PTER: variants seen among roughly 807,000 people sequenced by gnomAD.
PTER encodes the protein N-acetyltaurine hydrolase.
In PTER, 38 loss-of-function variants were observed where a neutral mutation model predicts 29.6. That is an observed-to-expected ratio of 1.28 (90% CI 0.99 to 1.68). The LOEUF (loss-of-function observed/expected upper bound fraction) is 1.68. Ranked by LOEUF, PTER falls within the 40% of genes most tolerant of loss-of-function variation. PTER has a pLI of 0.00. For missense variants in PTER, 482 were observed against 427.8 expected (o/e 1.13, Z -1.12); for synonymous variants, 172 against 154.5 (o/e 1.11, Z -0.84).
Position 16,484,650 on chromosome 10 carries a change from C to G in PTER, c.266C>G (p.Ala89Gly). 1 of 1,614,102 alleles carries G rather than the reference C, an allele frequency of 6.2e-7. No homozygotes were observed. The highest frequency in any genetic ancestry group is 8.5e-7 in the Non-Finnish European group (1 of 1,180,008). Reference protein sequence around the residue: ...AIKEELLYFKANGGGALVENT... With the variant: ...AIKEELLYFKGNGGGALVENT... ...AAGGAAGAACTGTTGTATTTTAAAGCTAATGGTGGAGGGGCTTTGGTGGAA... is the reference window on the plus strand; with the variant it reads ...AAGGAAGAACTGTTGTATTTTAAAGGTAATGGTGGAGGGGCTTTGGTGGAA... The change falls in exon 2 of 5, where the codon GCT (alanine) becomes GGT (glycine). Residue 89 changes from alanine (A) to glycine (G), a missense_variant. Transcript: ENST00000535784.
chr10:16,492,057 T>C (rs1835919694), intron 3 of PTER, among the ~76,000 whole-genome samples: 1 of 152,176 alleles, frequency 6.6e-6, no homozygotes, highest in African/African-American at 2.4e-5. Flanking sequence ...GCCATCACCT[T>C]AGGAGACCTC....
At chr10:16,443,768 A>T (rs1463513444) in intron 1 of PTER, among the ~76,000 whole-genome samples, 1 of 152,170 alleles carries the variant, frequency 6.6e-6, no homozygotes, top group African/African-American at 2.4e-5. Flanking sequence ...TTTTACCAAA[A>T]ATTTCCTCTC....
intron 1 of PTER, among the ~76,000 whole-genome samples, chr10:16,467,580 G>A (rs1588600426): frequency 6.6e-6 from 1 of 152,338 alleles, no homozygotes; most frequent in African/African-American, 2.4e-5. Context: ...GGGAGGTTGA[G>A]GTGGGTGGAT....
downstream of PTER, among the ~76,000 whole-genome samples, chr10:16,517,185 G>A (rs895928038): frequency 1.3e-5 from 2 of 152,224 alleles, no homozygotes; most frequent in Non-Finnish European, 1.5e-5. Flanking sequence ...GCAATCAACC[G>A]ATTTCTACCT....
intron 1 of PTER, among the ~76,000 whole-genome samples, chr10:16,481,074 G>C (rs1835463630): frequency 6.6e-6 from 1 of 152,128 alleles, no homozygotes; most frequent in Non-Finnish European, 1.5e-5. Context: ...CCTTGGCTAG[G>C]CTGTAATAGT....
intron 3 of PTER, among the ~76,000 whole-genome samples, chr10:16,487,948 C>T (rs1835764310): frequency 6.6e-6 from 1 of 152,108 alleles, no homozygotes; most frequent in Non-Finnish European, 1.5e-5. Context: ...CCACTACACT[C>T]CAGCCTAGGC....
intron 3 of PTER, among the ~76,000 whole-genome samples, chr10:16,492,927 A>G (rs1835953162): frequency 6.6e-6 from 1 of 152,226 alleles, no homozygotes; most frequent in South Asian, 2.1e-4. Context: ...GCCTCTGATC[A>G]TTCGTGCCAA....
intron 1 of PTER, among the ~76,000 whole-genome samples, chr10:16,461,926 T>A (rs1480869305): frequency 6.6e-6 from 1 of 152,092 alleles, no homozygotes; most frequent in Non-Finnish European, 1.5e-5. Flanking sequence ...ATCTTTTTCA[T>A]GACTTTTTTT....
downstream of PTER, among the ~76,000 whole-genome samples, chr10:16,515,682 A>C (rs1471249784): frequency 6.6e-6 from 1 of 152,168 alleles, no homozygotes; most frequent in African/African-American, 2.4e-5. Context: ...TCAGATCCTT[A>C]GCTCAAATTA....
chr10:16,505,931 C>A (rs1412076777), intron 4 of PTER, among the ~76,000 whole-genome samples: 1 of 152,030 alleles, frequency 6.6e-6, no homozygotes, highest in Non-Finnish European at 1.5e-5. Flanking sequence ...TGACATCACT[C>A]AGAGAAGAAG....
intron 1 of PTER, among the ~76,000 whole-genome samples, chr10:16,455,946 C>CT (rs998675747): frequency 8.6e-5 from 13 of 151,378 alleles, no homozygotes; most frequent in African/African-American, 2.2e-4. Context: ...AGTGTTATTA[C>CT]TTTTTTTTTG....
intron 3 of PTER, among the ~76,000 whole-genome samples, chr10:16,499,356 TG>T (rs1170567711): frequency 6.6e-6 from 1 of 152,184 alleles, no homozygotes; most frequent in African/African-American, 2.4e-5. Context: ...CCCTGAATTT[TG>T]CACTCAGTTT....
intron 1 of PTER, among the ~76,000 whole-genome samples, chr10:16,462,197 G>A (rs1021379292): frequency 6.6e-6 from 1 of 152,058 alleles, no homozygotes; most frequent in East Asian, 1.9e-4. Context: ...TGAAGGCCAG[G>A]CTGGTCCTGA....
At chr10:16,439,207 G>T (rs1588576217) in intron 1 of PTER, among the ~76,000 whole-genome samples, 1 of 152,130 alleles carries the variant, frequency 6.6e-6, no homozygotes, top group Admixed American at 6.6e-5. Flanking sequence ...CAGCCAGAAG[G>T]TGGCTAGTGA....
intron 1 of PTER, among the ~76,000 whole-genome samples, chr10:16,480,327 G>A (rs892266625): frequency 4.4e-4 from 67 of 151,052 alleles, no homozygotes; most frequent in African/African-American, 1.6e-3. Context: ...GTAGCCTCCC[G>A]AGTGATGACA....
Position 16,511,766 on chromosome 10 carries a change from G to A in PTER, c.*510G>A, listed in dbSNP as rs1165095394. On this transcript the variant is annotated 3_prime_UTR_variant, in exon 5 of 5. Coordinates refer to ENST00000535784, the MANE Select transcript of PTER (RefSeq NM_001261836.2). ...GAGACTTTTTTCCCCAAAGGATACTGACTGTAATACAATTACCAATTCACA... is the reference window on the plus strand; with the variant it reads ...GAGACTTTTTTCCCCAAAGGATACTAACTGTAATACAATTACCAATTCACA... 6.3e-6 allele frequency: 1 copy of A among 159,322 alleles called. No homozygotes were observed. The highest frequency in any genetic ancestry group is 2.4e-5 in the African/African-American group (1 of 41,498). The allele number at this position is 159,322 out of a possible 1,614,324, so 9.9% of individuals were successfully genotyped here. A position where few individuals can be genotyped will look rare whatever the true frequency, so the allele number is the denominator to read the frequency against.
chr10:16,484,230 C>G, intron 1 of PTER, 107 bp from the exon 2 acceptor site: 1 of 671,096 alleles, frequency 1.5e-6, no homozygotes, highest in Admixed American at 3.3e-5. Flanking sequence ...ATTGATTTGC[C>G]TTCTTACATG....
intron 1 of PTER, among the ~76,000 whole-genome samples, chr10:16,465,796 G>T (rs1157144847): frequency 6.6e-6 from 1 of 152,116 alleles, no homozygotes; most frequent in Non-Finnish European, 1.5e-5. Flanking sequence ...GCCTGGCTGG[G>T]GAGGCCTCAG....
intron 1 of PTER, among the ~76,000 whole-genome samples, chr10:16,459,113 T>A (rs543898429): frequency 3.3e-4 from 50 of 152,320 alleles, no homozygotes; most frequent in Non-Finnish European, 6.5e-4. Flanking sequence ...ATGCATAGTA[T>A]CAATGTATTT....
Sources: gnomAD v4.1 joint callset for allele counts (sites outside exome capture counted in the v4.1 genomes callset) on GRCh38, gnomAD v4.1.1 for gene constraint, MANE v1.5 for transcripts, NCBI Gene and HGNC (gene_info 2026-07-23, HGNC 2026-07-21) for gene names.